AGAP1: variants seen among roughly 807,000 people sequenced by gnomAD.
AGAP1 encodes the protein ArfGAP with GTPase domain, ankyrin repeat and PH domain 1.
In AGAP1, 29 loss-of-function variants were observed where a neutral mutation model predicts 105.3. The observed-to-expected ratio is 0.28, with a 90% CI of 0.21 to 0.38. The LOEUF (loss-of-function observed/expected upper bound fraction) is 0.38. Among genes scored for constraint, AGAP1 ranks in the 10% least tolerant of loss-of-function variants. AGAP1 has a pLI of 1.00. For missense variants in AGAP1, 998 were observed against 1,165.1 expected, an observed-to-expected ratio of 0.86 and a Z score of 2.09; for synonymous variants, 509 against 485.9, an observed-to-expected ratio of 1.05 and a Z score of -0.63.
intron 1 of AGAP1, among the ~76,000 whole-genome samples, chr2:235,604,473 CCCTGTATCAAAATAAAAAAAAAAAAA>C (rs1234197115): frequency 1.6e-5 from 2 of 124,128 alleles, no homozygotes; most frequent in Non-Finnish European, 3.4e-5. Flanking sequence ...CAGAGCGAGA[CCCTGTATCAAAATAAAAAAAAAAAAA>C]GTGCTTGTTA....
chr2:236,010,904 G>A (rs766973318), intron 13 of AGAP1, among the ~76,000 whole-genome samples: 2 of 152,132 alleles, frequency 1.3e-5, no homozygotes, highest in East Asian at 1.9e-4. Flanking sequence ...AAAATTAGTC[G>A]GGCGTGGTGG....
intron 2 of AGAP1, among the ~76,000 whole-genome samples, chr2:235,709,634 G>A (rs1450232620): frequency 6.6e-6 from 1 of 152,176 alleles, no homozygotes; most frequent in Non-Finnish European, 1.5e-5. Context: ...TTTGCAGGAT[G>A]TCACGGAAGG....
At chr2:235,862,437 G>A (rs970053422) in intron 9 of AGAP1, among the ~76,000 whole-genome samples, 3 of 152,184 alleles carry the variant, frequency 2.0e-5, no homozygotes, top group African/African-American at 7.2e-5. Context: ...TGGAGATCAG[G>A]GCCAGATGTA....
rs1476528172 is a variant in AGAP1, at chr2:235,926,197, T to C, written c.1325-4568T>C. Among the ~76,000 whole-genome samples the C allele has an allele frequency of 1.3e-5, 2 of 152,216 alleles. 1 individual carries two copies. Among genetic ancestry groups the C allele is most frequent in the East Asian group, 3.8e-4 (2 of 5,198 alleles). ...TTACATATTAGACTCTGTATGCATA[T>C]CTGTATCAAAAAATGCATGAGAAAG... is the stretch of plus-strand genomic sequence containing the variant. On this transcript the variant is annotated intron_variant, in intron 11 of 17. Coordinates refer to ENST00000304032, the MANE Select transcript of AGAP1 (RefSeq NM_001037131.3).
chr2:235,701,621 G>A lies in AGAP1; in HGVS notation c.164-7558G>A, dbSNP rs561534331. On this transcript the variant is annotated intron_variant, in intron 1 of 17. Coordinates refer to ENST00000304032, the MANE Select transcript of AGAP1 (RefSeq NM_001037131.3). This position sits in a 1 kb window ranked among gnomAD's most constrained non-coding sequence, Gnocchi z 4.1. ...TTATGTTTTATTTCATTTATTATAGGGATTCAAGGATTTCCAAATAAGAAA... is the reference window on the plus strand; with the variant it reads ...TTATGTTTTATTTCATTTATTATAGAGATTCAAGGATTTCCAAATAAGAAA... Among the ~76,000 whole-genome samples the A allele has an allele frequency of 6.6e-6, 1 of 152,220 alleles. No individual in the cohort carries two copies. The highest frequency in any genetic ancestry group is 1.5e-5 in the Non-Finnish European group (1 of 68,016).
At chr2:236,016,001 C>G (rs1024271958) in intron 13 of AGAP1, among the ~76,000 whole-genome samples, 1 of 151,392 alleles carries the variant, frequency 6.6e-6, no homozygotes, top group Non-Finnish European at 1.5e-5. Context: ...CACAATTACT[C>G]CTGTCTTGCC....
chr2:235,608,741 G>C lies in AGAP1; in HGVS notation c.164-100438G>C, dbSNP rs1946031657. On this transcript the variant is annotated intron_variant, in intron 1 of 17. Transcript: ENST00000304032. This position sits in a 1 kb window ranked among gnomAD's most constrained non-coding sequence, Gnocchi z 5.4. ...TGTTCTTCTCCTTCCTTTTTTAGTA[G>C]GGGAGAGAGGAGCAATTTTCCATGG... 6.6e-6 allele frequency among the ~76,000 whole-genome samples: 1 copy of C among 152,200 alleles called. No homozygotes were observed. Among genetic ancestry groups the C allele is most frequent in the African/African-American group, 2.4e-5 (1 of 41,454 alleles).
intron 16 of AGAP1, among the ~76,000 whole-genome samples, chr2:236,071,067 A>G (rs1013439627): frequency 6.6e-6 from 1 of 152,192 alleles, no homozygotes; most frequent in Non-Finnish European, 1.5e-5. Flanking sequence ...TGTTTCTGAG[A>G]CCGTTAAGGA....
intron 1 of AGAP1, among the ~76,000 whole-genome samples, chr2:235,604,567 ATTATC>A (rs1945853831): frequency 1.1e-5 from 1 of 92,498 alleles, no homozygotes; most frequent in Admixed American, 1.2e-4. Context: ...TTTTATTTTT[ATTATC>A]TTTTTTTTTT....
chr2:235,813,920 T>G (rs1331018388), intron 9 of AGAP1, among the ~76,000 whole-genome samples: 1 of 152,024 alleles, frequency 6.6e-6, no homozygotes, highest in Non-Finnish European at 1.5e-5. Context: ...TACCCTGGAG[T>G]CGGGCCACTC....
chr2:235,853,500 C>CA (rs1311862681), intron 9 of AGAP1, among the ~76,000 whole-genome samples: 3 of 152,166 alleles, frequency 2.0e-5, no homozygotes, highest in African/African-American at 7.2e-5. Context: ...CTTCTACAGT[C>CA]AGTGTTTTAT....
At chr2:235,695,949 G>T (rs1303083650) in intron 1 of AGAP1, among the ~76,000 whole-genome samples, 1 of 152,156 alleles carries the variant, frequency 6.6e-6, no homozygotes, top group Admixed American at 6.5e-5. Flanking sequence ...GAAGGTCTGT[G>T]CTGAGAACAG....
At chr2:235,516,070 G>GCTGCTGCTGCTGCTGCTC (rs58154921) in intron 1 of AGAP1, among the ~76,000 whole-genome samples, 19,701 of 141,766 alleles carry the variant, frequency 0.14, 1,470 homozygotes, top group Middle Eastern at 0.33. Context: ...TGCTGCTGCT[G>GCTGCTGCTGCTGCTGCTC]CTGCTGCTGC....
chr2:235,825,662 A>G lies in AGAP1; in HGVS notation c.1050+18331A>G, dbSNP rs148807359. Among the ~76,000 whole-genome samples, 903 of 152,344 alleles carry G rather than the reference A, an allele frequency of 5.9e-3. 5 individuals are homozygous for G. The highest frequency in any genetic ancestry group is 0.02 in the African/African-American group (833 of 41,576). Reference sequence around the variant, plus strand: ...AAGCTTAAGATGGCTAGAACTAAATATACATTGAACACAATTACTAATTTA... The same window carrying G: ...AAGCTTAAGATGGCTAGAACTAAATGTACATTGAACACAATTACTAATTTA... On this transcript the variant is annotated intron_variant, in intron 9 of 17. Coordinates refer to ENST00000304032, the MANE Select transcript of AGAP1 (RefSeq NM_001037131.3).
At chr2:235,849,108 T>G (rs1961855018) in intron 9 of AGAP1, among the ~76,000 whole-genome samples, 1 of 152,256 alleles carries the variant, frequency 6.6e-6, no homozygotes, top group Non-Finnish European at 1.5e-5. Flanking sequence ...GCTGACAGGC[T>G]GTAATTTCAC....
At position 236,120,277 on chromosome 2, in the gene AGAP1, C is replaced by G. The variant is rs1307043121; in HGVS notation, c.2200C>G (p.Gln734Glu). Residue 734 changes from glutamine to glutamate, a missense_variant, in exon 17 of 18, where the codon CAG (glutamine) becomes GAG (glutamate). Coordinates refer to ENST00000304032, the MANE Select transcript of AGAP1 (RefSeq NM_001037131.3). The surrounding 1 kb of genome is among the most constrained non-coding windows in gnomAD (Gnocchi z 6.0). Reference sequence around the variant, plus strand: ...GCCCTGCACGGAGCTGTCCCTGGGCCAGCACCTGCTGCGGGCCACCGCCGA... The same window carrying G: ...GCCCTGCACGGAGCTGTCCCTGGGCGAGCACCTGCTGCGGGCCACCGCCGA... ...PLPCTELSLG[Q>E]HLLRATADED... 3 of 1,613,068 alleles carry G rather than the reference C, an allele frequency of 1.9e-6. No homozygotes were observed. The highest frequency in any genetic ancestry group is 1.7e-6 in the Non-Finnish European group (2 of 1,179,758).
chr2:235,571,970 A>C (rs562958030), intron 1 of AGAP1, among the ~76,000 whole-genome samples: 1 of 54,720 alleles, frequency 1.8e-5, no homozygotes, highest in African/African-American at 8.8e-5. Flanking sequence ...ATACATATAT[A>C]TGTATACACA....
At chr2:235,628,324 A>G (rs1946709511) in intron 1 of AGAP1, among the ~76,000 whole-genome samples, 1 of 152,186 alleles carries the variant, frequency 6.6e-6, no homozygotes, top group Non-Finnish European at 1.5e-5. Flanking sequence ...GGCAGAGGAT[A>G]CTGAGCCTGA....
Position 235,807,331 on chromosome 2 carries a change from G to A in AGAP1, c.1050G>A (p.Gln350=). Residue 350 remains glutamine, a splice_region_variant and synonymous_variant, in exon 9 of 18, where the codon CAG becomes CAA. Transcript: ENST00000304032. ...IGSGRAIPIK[Q]GMLLKRSGKS... ...GCGGCCGAGCCATCCCAATTAAACA[G>A]GTGAGCAGCCTCCCCATCCTTCCCT... The A allele has an allele frequency of 6.3e-7, 1 of 1,584,124 alleles. No homozygotes were observed. Among genetic ancestry groups the A allele is most frequent in the Non-Finnish European group, 8.5e-7 (1 of 1,171,300 alleles).
Sources: allele counts gnomAD v4.1 joint callset (sites outside exome capture counted in the v4.1 genomes callset), GRCh38; gene constraint gnomAD v4.1.1; non-coding constraint Gnocchi (gnomAD v3.1); transcripts MANE v1.5; gene names NCBI Gene and HGNC (gene_info 2026-07-23, HGNC 2026-07-21).